ADGRL3: variants seen among roughly 807,000 people sequenced by gnomAD.
The protein encoded by ADGRL3 is calcium-independent alpha-latrotoxin receptor 3.
ADGRL3 carries 62 observed loss-of-function variants against 153.5 expected under a neutral mutation model. The observed-to-expected ratio is 0.40, with a 90% CI of 0.33 to 0.50. ADGRL3 has a LOEUF of 0.50. Among genes scored for constraint, ADGRL3 ranks in the 20% least tolerant of loss-of-function variants. The pLI is 0.47. For synonymous variants in ADGRL3, 710 were observed against 672.5 expected (o/e 1.06, Z -0.86); for missense variants, 1,641 against 1,859.4 (o/e 0.88, Z 2.16).
chr4:61,979,576 T>G lies in ADGRL3; in HGVS notation c.2819T>G (p.Val940Gly). 6.2e-7 allele frequency: 1 copy of G among 1,613,806 alleles called. No homozygotes were observed. The highest frequency in any genetic ancestry group is 8.5e-7 in the Non-Finnish European group (1 of 1,179,856). The change falls in exon 18 of 27, where the codon GTC becomes GGC. Residue 940 changes from valine to glycine, a missense_variant. By Grantham distance (109) the Val-to-Gly change is moderately radical. Coordinates refer to ENST00000683033, the MANE Select transcript of ADGRL3 (RefSeq NM_001387552.1). ...AHVEVKHSDA[V>G]HDLLLDVITW... ...TTGTGTTTCCAGCACAGTGATGCGGTCCATGACCTCCTTCTGGATGTGATC... is the reference window on the plus strand; with the variant it reads ...TTGTGTTTCCAGCACAGTGATGCGGGCCATGACCTCCTTCTGGATGTGATC...
intron 4 of ADGRL3, among the ~76,000 whole-genome samples, chr4:61,577,642 T>C (rs534231611): frequency 1.1e-4 from 16 of 151,542 alleles, no homozygotes; most frequent in African/African-American, 3.6e-4. Context: ...AGATACTGTC[T>C]CTACAAAAAA....
chr4:61,442,080 A>G (rs2097534095), intron 2 of ADGRL3, among the ~76,000 whole-genome samples: 1 of 152,218 alleles, frequency 6.6e-6, no homozygotes, highest in African/African-American at 2.4e-5. Context: ...AGTAACTGGA[A>G]GTGAGTAAGA....
intron 4 of ADGRL3, among the ~76,000 whole-genome samples, chr4:61,584,229 T>C (rs2098937440): frequency 6.6e-6 from 1 of 152,060 alleles, no homozygotes; most frequent in African/African-American, 2.4e-5. Flanking sequence ...GTATCCATCA[T>C]TTATGGAGTG....
chr4:61,717,849 C>T (rs913410277), intron 6 of ADGRL3, among the ~76,000 whole-genome samples: 4 of 151,924 alleles, frequency 2.6e-5, no homozygotes, highest in Admixed American at 6.6e-5. Context: ...GCCTGGCCAA[C>T]GTGGTGGAAC....
At chr4:61,420,942 A>T (rs1362619482) in intron 2 of ADGRL3, among the ~76,000 whole-genome samples, 2 of 152,174 alleles carry the variant, frequency 1.3e-5, no homozygotes, top group African/African-American at 4.8e-5. Context: ...TGGAAGGCCT[A>T]TATTCAAGTT....
intron 1 of ADGRL3, among the ~76,000 whole-genome samples, chr4:61,289,699 CT>C (rs1350966618): frequency 6.6e-6 from 1 of 151,924 alleles, no homozygotes; most frequent in Non-Finnish European, 1.5e-5. Context: ...TACATGATTA[CT>C]TTATCTTTGT....
At chr4:61,243,667 G>A (rs1199322956) in intron 1 of ADGRL3, among the ~76,000 whole-genome samples, 1 of 151,820 alleles carries the variant, frequency 6.6e-6, no homozygotes, top group African/African-American at 2.4e-5. Flanking sequence ...CCATCATTTT[G>A]TTTGGAAGAA....
At chr4:61,356,644 G>A (rs867554037) in intron 1 of ADGRL3, among the ~76,000 whole-genome samples, 1 of 151,906 alleles carries the variant, frequency 6.6e-6, no homozygotes, top group South Asian at 2.1e-4. Flanking sequence ...ATAGCTTCTT[G>A]AATTTTTGCT....
chr4:61,895,595 G>A (rs551580789), intron 10 of ADGRL3, 136 bp from the exon 11 acceptor site: 69 of 523,140 alleles, frequency 1.3e-4, no homozygotes, highest in African/African-American at 1.2e-3. Context: ...ATGCTTACTG[G>A]CACTGTATCT....
intron 3 of ADGRL3, among the ~76,000 whole-genome samples, chr4:61,515,526 C>T (rs2098488027): frequency 6.6e-6 from 1 of 152,048 alleles, no homozygotes. Flanking sequence ...CTGTTTTCTT[C>T]ACCAAATTCT....
intron 4 of ADGRL3, among the ~76,000 whole-genome samples, chr4:61,555,937 G>T (rs1438273741): frequency 1.3e-5 from 2 of 152,014 alleles, no homozygotes; most frequent in African/African-American, 4.8e-5. Flanking sequence ...GGATTTAGCC[G>T]GCTTCTTTAC....
intron 9 of ADGRL3, among the ~76,000 whole-genome samples, chr4:61,846,189 C>T (rs2098114283): frequency 1.3e-5 from 2 of 151,758 alleles, no homozygotes; most frequent in Non-Finnish European, 2.9e-5. Flanking sequence ...TGGAGATGCA[C>T]ACTTGTAGTC....
intron 1 of ADGRL3, among the ~76,000 whole-genome samples, chr4:61,347,923 T>C (rs2095956899): frequency 6.6e-6 from 1 of 152,110 alleles, no homozygotes; most frequent in Non-Finnish European, 1.5e-5. Context: ...TCACATTTTT[T>C]TCTTCTCATT....
chr4:61,853,792 G>C (rs2098234622), intron 9 of ADGRL3, among the ~76,000 whole-genome samples: 1 of 152,158 alleles, frequency 6.6e-6, no homozygotes. Flanking sequence ...AGGTTTCCCA[G>C]TCATAGTCCC....
At chr4:61,427,350 CCCTGTGTTAACCGCCTG>C (rs996354717) in intron 2 of ADGRL3, 4 of 152,816 alleles carry the variant, frequency 2.6e-5, no homozygotes, top group Non-Finnish European at 4.4e-5. Flanking sequence ...GTCGCCTCGC[CCCTGTGTTAACCGCCTG>C]CTCACCTGCA....
chr4:61,895,967 C>A, intron 11 of ADGRL3, 133 bp downstream of exon 11: 1 of 489,960 alleles, frequency 2.0e-6, no homozygotes, highest in East Asian at 3.3e-5. Flanking sequence ...ATGACAACCT[C>A]TAATATGTTA....
chr4:61,977,797 T>C lies in ADGRL3; in HGVS notation c.2806-1766T>C, dbSNP rs542731871. 1.9e-4 allele frequency among the ~76,000 whole-genome samples: 29 copies of C among 152,282 alleles called. 1 individual carries two copies. Among genetic ancestry groups the C allele is most frequent in the Middle Eastern group, 3.4e-3 (1 of 294 alleles). On this transcript the variant is annotated intron_variant, in intron 17 of 26. Coordinates refer to ENST00000683033, the MANE Select transcript of ADGRL3 (RefSeq NM_001387552.1). Reference sequence around the variant, plus strand: ...TCTGCCTTTAAAAATCAATTTTTTTTCAATATTTATTTTAGATTCATGGGG... The same window carrying C: ...TCTGCCTTTAAAAATCAATTTTTTTCCAATATTTATTTTAGATTCATGGGG...
At chr4:61,800,055 C>G (rs2097472975) in intron 8 of ADGRL3, among the ~76,000 whole-genome samples, 1 of 152,054 alleles carries the variant, frequency 6.6e-6, no homozygotes, top group Non-Finnish European at 1.5e-5. Flanking sequence ...CACGACACTG[C>G]CTTACCATTG....
At chr4:61,934,795 G>A (rs1161754167) in intron 13 of ADGRL3, 45 bp from the exon 14 acceptor site, 1 of 1,500,200 alleles carries the variant, frequency 6.7e-7, no homozygotes, top group Non-Finnish European at 9.2e-7. Context: ...TGACAGCTAT[G>A]TGGGTTCACT....
Sources: allele counts gnomAD v4.1 joint callset (sites outside exome capture counted in the v4.1 genomes callset), GRCh38; gene constraint gnomAD v4.1.1; transcripts MANE v1.5; gene names NCBI Gene and HGNC (gene_info 2026-07-23, HGNC 2026-07-21).